The following TEK variants were observed in gnomAD, a reference collection of about 807,000 sequenced individuals.
TEK encodes the protein TEK receptor tyrosine kinase, also known as angiopoietin-1 receptor.
TEK carries 43 observed loss-of-function variants against 131.8 expected under a neutral mutation model. The ratio of observed to expected loss-of-function variants is 0.33; its 90% CI spans 0.26 to 0.42. TEK has a LOEUF of 0.42. Ranked by LOEUF, TEK falls within the 10% of genes least tolerant of loss-of-function variation. TEK has a pLI of 1.00. For missense variants in TEK, 1,162 were observed against 1,384.4 expected (o/e 0.84, Z 2.55); for synonymous variants, 580 against 491.6 (o/e 1.18, Z -2.38).
chr9:27,186,669 C>CA (rs1159444698), intron 9 of TEK, among the ~76,000 whole-genome samples: 1 of 152,168 alleles, frequency 6.6e-6, no homozygotes, highest in African/African-American at 2.4e-5. Context: ...TCTTCTGGAC[C>CA]ATTTTGCTTT....
chr9:27,141,521 T>C (rs1822725294), intron 1 of TEK, among the ~76,000 whole-genome samples: 1 of 152,198 alleles, frequency 6.6e-6, no homozygotes, highest in Admixed American at 6.5e-5. Context: ...CTTTTTGCAG[T>C]AGTTATTTTC....
At chr9:27,168,246 G>A (rs1459280265) in intron 2 of TEK, among the ~76,000 whole-genome samples, 1 of 152,174 alleles carries the variant, frequency 6.6e-6, no homozygotes, top group Non-Finnish European at 1.5e-5. Flanking sequence ...GAAAAATTGT[G>A]TATAGGCATA....
At chr9:27,170,500 C>A (rs1280956041) in intron 4 of TEK, among the ~76,000 whole-genome samples, 1 of 152,158 alleles carries the variant, frequency 6.6e-6, no homozygotes, top group Non-Finnish European at 1.5e-5. Flanking sequence ...TGATGCATGC[C>A]TGTAGTTCTA....
At chr9:27,113,677 A>T (rs1821436747) in intron 1 of TEK, among the ~76,000 whole-genome samples, 1 of 152,208 alleles carries the variant, frequency 6.6e-6, no homozygotes, top group Non-Finnish European at 1.5e-5. Context: ...GTCAAGACTG[A>T]TCTAATCTGC....
intron 1 of TEK, among the ~76,000 whole-genome samples, chr9:27,138,013 A>C (rs36058681): frequency 4.0e-5 from 6 of 150,998 alleles, no homozygotes; most frequent in South Asian, 2.1e-4. Context: ...TGAAGCCGCA[A>C]ACCTTCCCAG....
Position 27,202,897 on chromosome 9 carries a change from G to A in TEK, c.1987G>A (p.Asp663Asn), listed in dbSNP as rs751169842. The A allele has an allele frequency of 1.2e-6, 2 of 1,614,072 alleles. No homozygotes were observed. The highest frequency in any genetic ancestry group is 1.7e-6 in the Non-Finnish European group (2 of 1,179,994). ...AGCTGTGATTTCTTGGACAATATTG[G>A]ATGGCTATTCTATTTCTTCTATTAC... Reference protein sequence around the residue: ...SSAVISWTILDGYSISSITIR... With the variant: ...SSAVISWTILNGYSISSITIR... Residue 663 changes from aspartate (D) to asparagine (N), a missense_variant, in exon 13 of 23, where the codon GAT (aspartate) becomes AAT (asparagine). Asp to Asn is a conservative substitution (Grantham distance 23). Around this residue, in one of 6 missense-constraint regions of TEK, gnomAD observed 477 missense variants for 471.0 expected, o/e 1.01. Transcript: ENST00000380036.
chr9:27,226,283 T>A (rs910398271), intron 21 of TEK, among the ~76,000 whole-genome samples: 1 of 152,246 alleles, frequency 6.6e-6, no homozygotes, highest in African/African-American at 2.4e-5. Flanking sequence ...CATGCACACG[T>A]ATGTTTATTG....
intron 21 of TEK, among the ~76,000 whole-genome samples, chr9:27,222,722 T>A (rs1826136417): frequency 6.6e-6 from 1 of 151,850 alleles, no homozygotes; most frequent in Non-Finnish European, 1.5e-5. Flanking sequence ...GCACTCAACA[T>A]GGAAAGGAAA....
intron 1 of TEK, among the ~76,000 whole-genome samples, chr9:27,114,827 A>T (rs1177000267): frequency 6.6e-6 from 1 of 152,172 alleles, no homozygotes; most frequent in African/African-American, 2.4e-5. Context: ...GAGGTATTGT[A>T]TGATTGTTGA....
intron 12 of TEK, 59 bp downstream of exon 12, chr9:27,197,658 A>G: frequency 6.2e-7 from 1 of 1,601,354 alleles, no homozygotes. Flanking sequence ...CGCCATGCAG[A>G]CTTAGCTAAC....
chr9:27,134,537 C>G lies in TEK; in HGVS notation c.53-23294C>G, dbSNP rs924013678. Among the ~76,000 whole-genome samples the G allele has an allele frequency of 5.9e-5, 9 of 152,146 alleles. No homozygotes were observed. In the South Asian group the frequency reaches 8.3e-4, roughly 14 times the overall value. On this transcript the variant is annotated intron_variant, in intron 1 of 22. Coordinates refer to ENST00000380036, the MANE Select transcript of TEK (RefSeq NM_000459.5). Reference sequence around the variant, plus strand: ...ACCTAGTTTCTATCTCTTTTATGAGCCAAAATTAGGAGTATCAAAAATATG... The same window carrying G: ...ACCTAGTTTCTATCTCTTTTATGAGGCAAAATTAGGAGTATCAAAAATATG...
intron 9 of TEK, among the ~76,000 whole-genome samples, chr9:27,186,165 C>T (rs567217638): frequency 5.9e-5 from 9 of 152,290 alleles, no homozygotes; most frequent in Admixed American, 2.0e-4. Context: ...ACATTCAGGG[C>T]TGTGGGCATT....
rs1826493903 is a variant in TEK, at chr9:27,229,809, ACT to A, written c.*580_*581del. 6.3e-6 allele frequency: 1 copy of A among 158,856 alleles called. No individual in the cohort carries two copies. The highest frequency in any genetic ancestry group is 5.9e-5 in the Admixed American group (1 of 16,808). The allele number at this position is 158,856 out of a possible 1,614,324, so 9.8% of individuals were successfully genotyped here. A position where few individuals can be genotyped will look rare whatever the true frequency, so the allele number is the denominator to read the frequency against. ...TCCCGTTTCATTTAGTCATGTGACC[ACT>A]CTGTCTTGTGTTTCCACAGCCTGCA... On this transcript the variant is annotated 3_prime_UTR_variant, in exon 23 of 23. Transcript: ENST00000380036.
At chr9:27,111,959 A>C (rs1283679033) in intron 1 of TEK, among the ~76,000 whole-genome samples, 1 of 147,274 alleles carries the variant, frequency 6.8e-6, no homozygotes, top group Non-Finnish European at 1.5e-5. Flanking sequence ...AATGTAGTAG[A>C]GTGATCTCAG....
At chr9:27,111,535 A>G (rs1821347256) in intron 1 of TEK, among the ~76,000 whole-genome samples, 1 of 1,672 alleles carries the variant, frequency 6.0e-4, no homozygotes. Context: ...CACAGACTGA[A>G]AAAAAAAAAA....
chr9:27,222,549 G>A (rs1826128943), intron 21 of TEK, among the ~76,000 whole-genome samples: 1 of 152,150 alleles, frequency 6.6e-6, no homozygotes, highest in African/African-American at 2.4e-5. Flanking sequence ...AAGAGAGTGG[G>A]GGCCAGTATT....
intron 16 of TEK, among the ~76,000 whole-genome samples, chr9:27,211,239 A>G (rs980557458): frequency 7.4e-5 from 11 of 148,618 alleles, no homozygotes; most frequent in African/African-American, 2.2e-4. Context: ...ATGTGCATAT[A>G]TATGTATTTA....
chr9:27,137,185 T>C (rs669366), intron 1 of TEK, among the ~76,000 whole-genome samples: 25,151 of 152,008 alleles, frequency 0.17, 2,890 homozygotes, highest in East Asian at 0.6. Flanking sequence ...CCCAAAGTGC[T>C]GGGATTACAG....
chr9:27,171,474 G>T (rs750917499), intron 4 of TEK, among the ~76,000 whole-genome samples: 1 of 152,160 alleles, frequency 6.6e-6, no homozygotes, highest in Admixed American at 6.5e-5. Context: ...GAGTAGGCAC[G>T]TGTATAATTA....
Sources: gnomAD v4.1 joint callset for allele counts (sites outside exome capture counted in the v4.1 genomes callset) on GRCh38, gnomAD v4.1.1 for gene constraint, gnomAD v4.1.1 regional missense constraint, MANE v1.5 for transcripts, NCBI Gene and HGNC (gene_info 2026-07-23, HGNC 2026-07-21) for gene names.